The following NME7 variants were observed in gnomAD, a reference collection of about 807,000 sequenced individuals.
The protein encoded by NME7 is nucleoside diphosphate kinase 7.
A neutral mutation model predicts 49.1 loss-of-function variants in NME7; 41 were observed. The ratio of observed to expected loss-of-function variants is 0.83; its 90% CI spans 0.65 to 1.08. NME7 has a LOEUF of 1.08. Ranked by LOEUF, NME7 falls within the 50% of genes least tolerant of loss-of-function variation. NME7 has a pLI of 0.00. For synonymous variants in NME7, 139 were observed against 150.6 expected, an observed-to-expected ratio of 0.92 and a Z score of 0.56; for missense variants, 423 against 463.4, an observed-to-expected ratio of 0.91 and a Z score of 0.80.
At chr1:169,190,164 A>C (rs12564558) in intron 10 of NME7, among the ~76,000 whole-genome samples, 16,339 of 152,034 alleles carry the variant, frequency 0.11, 2,078 homozygotes, top group East Asian at 0.73. Flanking sequence ...TTTATGTATA[A>C]GTCTGGTCTC....
chr1:169,237,789 C>G, intron 7 of NME7, 102 bp from the exon 8 acceptor site: 2 of 757,000 alleles, frequency 2.6e-6, no homozygotes, highest in Admixed American at 2.6e-5. Flanking sequence ...TGTTTATACT[C>G]TATATTTAAA....
chr1:169,292,078 G>A (rs1650529814), intron 6 of NME7, among the ~76,000 whole-genome samples: 1 of 152,000 alleles, frequency 6.6e-6, no homozygotes, highest in African/African-American at 2.4e-5. Flanking sequence ...AGGTGCAAAA[G>A]CAATTAATTA....
rs888218114 is a variant in NME7 at position 169,273,869 on chromosome 1, C to G, written c.754+13434G>C. Among the ~76,000 whole-genome samples, 14 of 126,930 alleles carry G rather than the reference C, an allele frequency of 1.1e-4. 4 individuals carry two copies. Among genetic ancestry groups the G allele is most frequent in the Non-Finnish European group, 1.8e-4 (10 of 54,296 alleles). The allele number at this position is 126,930 out of a possible 152,430, so 83.3% of individuals were successfully genotyped here. A position where few individuals can be genotyped will look rare whatever the true frequency, so the allele number is the denominator to read the frequency against. ...CTTAATCCAGTCTATCATTGTTGGA[C>G]ATTTGGGTTGGTTCCAAGTCTTTGC... is the stretch of plus-strand genomic sequence containing the variant. On this transcript the variant is annotated intron_variant, in intron 7 of 11. Coordinates refer to ENST00000367811, the MANE Select transcript of NME7 (RefSeq NM_013330.5).
intron 7 of NME7, among the ~76,000 whole-genome samples, chr1:169,238,477 GCACACACACA>G (rs138287537): frequency 6.0e-4 from 74 of 124,150 alleles, no homozygotes; most frequent in African/African-American, 1.8e-3. Context: ...ATGCACAAAG[GCACACACACA>G]CACACACACA....
intron 9 of NME7, among the ~76,000 whole-genome samples, chr1:169,231,362 G>T (rs12117362): frequency 0.24 from 37,244 of 152,092 alleles, 5,529 homozygotes; most frequent in Non-Finnish European, 0.34. Flanking sequence ...CTGTAGAATT[G>T]CTCTGTCTTA....
intron 7 of NME7, among the ~76,000 whole-genome samples, chr1:169,240,864 C>T (rs1448089064): frequency 1.3e-5 from 2 of 151,982 alleles, no homozygotes; most frequent in Non-Finnish European, 2.9e-5. Context: ...GTTTAGTTTT[C>T]CTTTGTAGTT....
At chr1:169,295,659 T>G (rs1650679606) in intron 6 of NME7, among the ~76,000 whole-genome samples, 1 of 152,162 alleles carries the variant, frequency 6.6e-6, no homozygotes, top group Non-Finnish European at 1.5e-5. Context: ...GCTCTCCACC[T>G]ACTCCTTACC....
chr1:169,251,209 C>A (rs1312386195), intron 7 of NME7, among the ~76,000 whole-genome samples: 2 of 151,836 alleles, frequency 1.3e-5, no homozygotes, highest in Non-Finnish European at 2.9e-5. Context: ...TGGATTGATC[C>A]TTTTATCATC....
chr1:169,197,918 G>A (rs1557983931), intron 10 of NME7, among the ~76,000 whole-genome samples: 1 of 151,960 alleles, frequency 6.6e-6, no homozygotes, highest in Non-Finnish European at 1.5e-5. Context: ...AACAAGAAAA[G>A]TAACAGACAG....
chr1:169,139,921 T>C (rs1406519934), intron 11 of NME7, among the ~76,000 whole-genome samples: 1 of 152,242 alleles, frequency 6.6e-6, no homozygotes, highest in Non-Finnish European at 1.5e-5. Flanking sequence ...AAACTATTTT[T>C]CTTCTTTTGC....
intron 11 of NME7, among the ~76,000 whole-genome samples, chr1:169,134,085 C>A (rs7552323): frequency 0.31 from 47,689 of 152,002 alleles, 8,235 homozygotes; most frequent in Non-Finnish European, 0.4. Context: ...ATTTCCCACT[C>A]CTGATCTTTA....
At chr1:169,330,922 AGAG>A (rs1301606455) in intron 1 of NME7, among the ~76,000 whole-genome samples, 7 of 152,290 alleles carry the variant, frequency 4.6e-5, no homozygotes, top group Non-Finnish European at 5.9e-5. Flanking sequence ...TCCAAAAAAT[AGAG>A]GAGGAGGGAC....
chr1:169,278,359 C>T (rs1249915178), intron 7 of NME7, among the ~76,000 whole-genome samples: 1 of 152,092 alleles, frequency 6.6e-6, no homozygotes, highest in East Asian at 1.9e-4. Context: ...CACATAGTCC[C>T]ATATTTCTTG....
At chr1:169,220,779 T>A (rs1396560663) in intron 10 of NME7, among the ~76,000 whole-genome samples, 1 of 152,238 alleles carries the variant, frequency 6.6e-6, no homozygotes, top group Non-Finnish European at 1.5e-5. Context: ...TTTTTACATT[T>A]GCTAAAGTTA....
chr1:169,337,453 G>A (rs577599330), intron 1 of NME7, among the ~76,000 whole-genome samples: 5 of 152,284 alleles, frequency 3.3e-5, no homozygotes, highest in East Asian at 3.9e-4. Flanking sequence ...TCCCGCTCAC[G>A]CCTCTCCCTC....
chr1:169,274,943 G>A lies in NME7; in HGVS notation c.754+12360C>T, dbSNP rs144285153. Among the ~76,000 whole-genome samples, 1,039 of 132,926 alleles carry A rather than the reference G, an allele frequency of 7.8e-3. 127 individuals are homozygous for A. Among genetic ancestry groups the A allele is most frequent in the African/African-American group, 0.025 (971 of 39,466 alleles). The allele number at this position is 132,926 out of a possible 152,430, so 87.2% of individuals were successfully genotyped here. On this transcript the variant is annotated intron_variant, in intron 7 of 11. Coordinates refer to ENST00000367811, the MANE Select transcript of NME7 (RefSeq NM_013330.5). The stretch of plus-strand genomic sequence containing the variant: ...TCTTTTGGCTTAGGATTGAGTTGGC[G>A]ATGTGGGCTCTTTTTTGGTTCCATA...
At chr1:169,185,309 C>A (rs1021126771) in intron 10 of NME7, among the ~76,000 whole-genome samples, 1 of 152,160 alleles carries the variant, frequency 6.6e-6, no homozygotes, top group African/African-American at 2.4e-5. Context: ...TACACTTCTA[C>A]ATGATTTATG....
chr1:169,221,730 C>T (rs1661146098), intron 10 of NME7, among the ~76,000 whole-genome samples: 2 of 151,408 alleles, frequency 1.3e-5, no homozygotes. Context: ...TGTGCACACA[C>T]CCAAATTTTT....
intron 7 of NME7, among the ~76,000 whole-genome samples, chr1:169,271,414 C>CTT (rs1259624174): frequency 7.5e-6 from 1 of 133,956 alleles, no homozygotes; most frequent in Non-Finnish European, 1.8e-5. Flanking sequence ...ATTTATCAAA[C>CTT]AACTGTGTAT....
Sources: gnomAD v4.1 joint callset for allele counts (sites outside exome capture counted in the v4.1 genomes callset) on GRCh38, gnomAD v4.1.1 for gene constraint, MANE v1.5 for transcripts, NCBI Gene and HGNC (gene_info 2026-07-23, HGNC 2026-07-21) for gene names.